The following PLAT variants were observed in gnomAD, a reference collection of about 807,000 sequenced individuals.
The protein encoded by PLAT is tissue-type plasminogen activator.
In PLAT, 48 loss-of-function variants were observed where a neutral mutation model predicts 74.9. That is an observed-to-expected ratio of 0.64 (90% CI 0.51 to 0.82). The LOEUF is 0.82. PLAT is among the 40% of genes least tolerant of loss of function. The pLI, the probability that PLAT is intolerant of heterozygous loss-of-function variation, is 0.00. For missense variants in PLAT, 673 were observed against 736.2 expected (o/e 0.91, Z 0.99); for synonymous variants, 307 against 294.4 (o/e 1.04, Z -0.44).
At chr8:42,199,574 ACAG>A (rs1167831493) in intron 1 of PLAT, among the ~76,000 whole-genome samples, 1 of 152,148 alleles carries the variant, frequency 6.6e-6, no homozygotes, top group Non-Finnish European at 1.5e-5. Flanking sequence ...AGAAAAAGCT[ACAG>A]CAGGCATGTC....
rs2078432160 is a variant in PLAT, at chr8:42,185,157, G to GTC, written c.553_554dup (p.Asp185GlufsTer59). 6.2e-7 allele frequency: 1 copy of GTC among 1,611,534 alleles called. No individual in the cohort carries two copies. Among genetic ancestry groups the GTC allele is most frequent in the African/African-American group, 1.3e-5 (1 of 74,726 alleles). ...TAAAGACGTAGCACCAGGGCTTTGA[G>GTC]TCTCGATCTGGGTTTCTGAAAAATC... On this transcript the variant is annotated frameshift_variant, in exon 7 of 14. Coordinates refer to ENST00000220809, the MANE Select transcript of PLAT (RefSeq NM_000930.5). LOFTEE classifies it high-confidence loss of function.
chr8:42,180,103 G>GCCGCCAGCT, intron 11 of PLAT, 37 bp from the exon 12 acceptor site: 4 of 1,593,086 alleles, frequency 2.5e-6, no homozygotes, highest in Non-Finnish European at 3.4e-6. Flanking sequence ...TGGCGTGAGG[G>GCCGCCAGCT]CCGCGTCCCC....
chr8:42,197,796 A>G (rs1805965349), intron 1 of PLAT, among the ~76,000 whole-genome samples: 1 of 152,246 alleles, frequency 6.6e-6, no homozygotes, highest in African/African-American at 2.4e-5. Flanking sequence ...TTGTTCGCAT[A>G]AGGTAAAAAT....
chr8:42,193,225 A>G lies in PLAT; in HGVS notation c.-26-14T>C. On this transcript the variant is annotated splice_polypyrimidine_tract_variant and intron_variant, in intron 1 of 13. Coordinates refer to ENST00000220809, the MANE Select transcript of PLAT (RefSeq NM_000930.5). ...GTCCCTTAAATTCTGGAAGGAGAGA[A>G]AAAACAGCTTGATCACGGGGTGCGA... 3 of 1,551,258 alleles carry G rather than the reference A, an allele frequency of 1.9e-6. No homozygotes were observed. Among genetic ancestry groups the G allele is most frequent in the Non-Finnish European group, 2.7e-6 (3 of 1,123,382 alleles).
At chr8:42,187,376 C>G (rs767701588) in intron 6 of PLAT, 22 bp downstream of exon 6, 3 of 1,545,988 alleles carry the variant, frequency 1.9e-6, no homozygotes, top group East Asian at 4.5e-5. Flanking sequence ...GGGGGAATCC[C>G]TCCTTGGGGA....
chr8:42,181,302 A>G lies in PLAT; in HGVS notation c.890-617T>C, dbSNP rs187996632. Among the ~76,000 whole-genome samples the G allele has an allele frequency of 1.4e-4, 22 of 152,294 alleles. No homozygotes were observed. The East Asian group carries it at 4.1e-3, about 28-fold the overall frequency. ...CCTACTCTCTGGCCATTTCCAAACT[A>G]AAGTTTCATTTTTTAGCAATATGCA... On this transcript the variant is annotated intron_variant, in intron 9 of 13. Coordinates refer to ENST00000220809, the MANE Select transcript of PLAT (RefSeq NM_000930.5).
At chr8:42,179,894 A>G in intron 12 of PLAT, 32 bp downstream of exon 12, 1 of 1,534,972 alleles carries the variant, frequency 6.5e-7, no homozygotes, top group African/African-American at 1.4e-5. Flanking sequence ...TGTCCCGCAG[A>G]CAGGATGGGG....
chr8:42,179,990 C>T lies in PLAT; in HGVS notation c.1299G>A (p.Pro433=), dbSNP rs188811714. Residue 433 remains proline (P), a synonymous_variant, in exon 12 of 14, where the codon CCG becomes CCA. Transcript: ENST00000220809. ...SSVVRTVCLP[P]ADLQLPDWTE... is the part of the protein sequence containing the mutation. The stretch of plus-strand genomic sequence containing the variant: ...TCCAGTCCGGCAGCTGCAGGTCCGC[C>T]GGGGGAAGGCACACAGTGCGGACCA... The T allele has an allele frequency of 7.5e-6, 12 of 1,608,804 alleles. No individual in the cohort carries two copies. Among genetic ancestry groups the T allele is most frequent in the East Asian group, 6.7e-5 (3 of 44,730 alleles).
At chr8:42,181,889 G>A (rs1305852165) in intron 9 of PLAT, 48 bp downstream of exon 9, 1 of 1,104,666 alleles carries the variant, frequency 9.1e-7, no homozygotes, top group Non-Finnish European at 1.4e-6. Flanking sequence ...AGGAGATGGT[G>A]AAGAAGGGAG....
intron 3 of PLAT, among the ~76,000 whole-genome samples, chr8:42,189,818 C>T (rs1587936733): frequency 2.0e-5 from 3 of 151,776 alleles, no homozygotes; most frequent in East Asian, 2.0e-4. Context: ...AGGCTGGTCT[C>T]GAACTCCTGA....
At chr8:42,200,074 C>T (rs1003431668) in intron 1 of PLAT, among the ~76,000 whole-genome samples, 4 of 152,176 alleles carry the variant, frequency 2.6e-5, no homozygotes, top group African/African-American at 9.7e-5. Flanking sequence ...GTGAAAGTGA[C>T]ATTATTGTTG....
chr8:42,188,176 C>T (rs1026378226), intron 4 of PLAT, 160 bp from the exon 5 acceptor site: 8 of 534,870 alleles, frequency 1.5e-5, no homozygotes, highest in Admixed American at 1.4e-4. Flanking sequence ...TGTTTTCATC[C>T]TGCCTTTGGT....
Position 42,180,276 on chromosome 8 carries a change from C to T in PLAT, c.1188G>A (p.Lys396=), listed in dbSNP as rs773538670. 5 of 1,614,214 alleles carry T rather than the reference C, an allele frequency of 3.1e-6. No homozygotes were observed. In the Admixed American group the frequency reaches 6.7e-5, roughly 22 times the overall value. ...TGTCGTAAGTGTCATCATCGAATTCCTTATGGACAATGTATTTTTCGACTT... is the reference window on the plus strand; with the variant it reads ...TGTCGTAAGTGTCATCATCGAATTCTTTATGGACAATGTATTTTTCGACTT... ...KFEVEKYIVH[K]EFDDDTYDND... Residue 396 remains lysine, a synonymous_variant, in exon 11 of 14, where the codon AAG becomes AAA. Transcript: ENST00000220809.
intron 1 of PLAT, among the ~76,000 whole-genome samples, chr8:42,205,661 A>G (rs1369851501): frequency 6.6e-6 from 1 of 152,176 alleles, no homozygotes; most frequent in Non-Finnish European, 1.5e-5. Context: ...TTATCTACCT[A>G]TGACCTGGAA....
intron 6 of PLAT, chr8:42,185,947 CT>C (rs1258210888): frequency 6.6e-6 from 1 of 152,146 alleles, no homozygotes; most frequent in Admixed American, 6.6e-5. Flanking sequence ...TCTGCCTGCA[CT>C]TCCAGCCTGG....
In PLAT at chr8:42,182,745, C is replaced by T; in HGVS notation, c.777G>A (p.Leu259=). ...YTAQNPSAQA[L]GLGKHNYCRN... ...GGCAGTAATTATGTTTGCCCAGGCC[C>T]AGTGCCTGGGCACTGGGGTTCTGTG... The change falls in exon 8 of 14, where the codon CTG becomes CTA. Residue 259 remains leucine, a synonymous_variant. Transcript: ENST00000220809. 1 of 1,611,316 alleles carries T rather than the reference C, an allele frequency of 6.2e-7. No individual in the cohort carries two copies. The highest frequency in any genetic ancestry group is 8.5e-7 in the Non-Finnish European group (1 of 1,179,090).
In PLAT at chr8:42,180,258, AGT is replaced by A; in HGVS notation, c.1204_1205del (p.Thr402LeufsTer4). 6.2e-7 allele frequency: 1 copy of A among 1,614,232 alleles called. No individual in the cohort carries two copies. The highest frequency in any genetic ancestry group is 1.1e-5 in the South Asian group (1 of 91,090). Reference sequence around the variant, plus strand: ...AGCTCTTACCAATGTCATTGTCGTAAGTGTCATCATCGAATTCCTTATGGACA... The same window carrying A: ...AGCTCTTACCAATGTCATTGTCGTAAGTCATCATCGAATTCCTTATGGACA... Reference protein sequence around the residue: ...YIVHKEFDDDTYDNDIALLQL... With the variant: ...YIVHKEFDDDXYDNDIALLQL... On this transcript the variant is annotated frameshift_variant, in exon 11 of 14. Coordinates refer to ENST00000220809, the MANE Select transcript of PLAT (RefSeq NM_000930.5). LOFTEE classifies it high-confidence loss of function.
At chr8:42,177,296 T>A (rs907082091) in intron 13 of PLAT, among the ~76,000 whole-genome samples, 1 of 152,248 alleles carries the variant, frequency 6.6e-6, no homozygotes, top group Admixed American at 6.5e-5. Flanking sequence ...AAAATTGGTT[T>A]TGTTATACGT....
chr8:42,194,969 C>T (rs1340796648), intron 1 of PLAT, among the ~76,000 whole-genome samples: 2 of 152,228 alleles, frequency 1.3e-5, no homozygotes, highest in East Asian at 3.8e-4. Context: ...TGATCCTGCC[C>T]TCGGCAGCTA....
Sources: gnomAD v4.1 joint callset for allele counts (sites outside exome capture counted in the v4.1 genomes callset) on GRCh38, gnomAD v4.1.1 for gene constraint, MANE v1.5 for transcripts, NCBI Gene and HGNC (gene_info 2026-07-23, HGNC 2026-07-21) for gene names.